The following ZNF362 variants were observed in gnomAD, a reference collection of about 807,000 sequenced individuals.
ZNF362 encodes the protein rotund homolog.
ZNF362 carries 11 observed loss-of-function variants against 42.9 expected under a neutral mutation model. The observed-to-expected ratio is 0.26, with a 90% CI of 0.16 to 0.42. The LOEUF is 0.42. Among genes scored for constraint, ZNF362 ranks in the 20% least tolerant of loss-of-function variants. ZNF362 has a pLI of 1.00. For missense variants in ZNF362, 362 were observed against 576.2 expected (o/e 0.63, Z 3.81); for synonymous variants, 255 against 257.3 (o/e 0.99, Z 0.09).
the ZNF362 span, among the ~76,000 whole-genome samples, chr1:33,133,079 G>A: frequency 6.6e-6 from 1 of 152,218 alleles, no homozygotes. Context: ...AGGCCCAGTG[G>A]GTCAGGAGAG....
intron 2 of ZNF362, among the ~76,000 whole-genome samples, chr1:33,273,831 A>G (rs886617796): frequency 2.6e-5 from 4 of 152,208 alleles, no homozygotes; most frequent in Non-Finnish European, 5.9e-5. Flanking sequence ...GTAAACTGTG[A>G]GCAGTGCTAG....
the ZNF362 span, among the ~76,000 whole-genome samples, chr1:33,222,849 T>C: frequency 0.17 from 26,181 of 152,100 alleles, 2,583 homozygotes; most frequent in East Asian, 0.31. Context: ...TGAATTCCCA[T>C]GTGTTGTGAG....
chr1:33,234,312 C>T, the ZNF362 span, among the ~76,000 whole-genome samples: 3 of 152,118 alleles, frequency 2.0e-5, no homozygotes, highest in African/African-American at 4.8e-5. Context: ...TTGTTATATT[C>T]GCATGGCACA....
the ZNF362 span, chr1:33,181,046 G>A: frequency 4.4e-6 from 7 of 1,593,792 alleles, no homozygotes; most frequent in Middle Eastern, 1.7e-4. This position sits in a 1 kb window ranked among gnomAD's most constrained non-coding sequence, Gnocchi z 6.5. Context: ...CGAAGGCGTC[G>A]TCGATGCCGG....
the ZNF362 span, among the ~76,000 whole-genome samples, chr1:33,206,142 T>A: frequency 2.0e-5 from 3 of 152,126 alleles, no homozygotes; most frequent in African/African-American, 7.2e-5. Flanking sequence ...TAACTTCAAA[T>A]GTATCATAGA....
chr1:33,205,039 G>A, the ZNF362 span, among the ~76,000 whole-genome samples: 1 of 152,126 alleles, frequency 6.6e-6, no homozygotes, highest in Admixed American at 6.5e-5. Context: ...GATATACCAT[G>A]TTCTTAGATT....
chr1:33,178,500 A>G, the ZNF362 span, among the ~76,000 whole-genome samples: 1 of 152,116 alleles, frequency 6.6e-6, no homozygotes, highest in Non-Finnish European at 1.5e-5. Context: ...CTGGGCATTC[A>G]CTCAGCTGGG....
In ZNF362 at chr1:33,276,355, A is replaced by C; in HGVS notation, c.110A>C (p.Asn37Thr). Reference sequence around the variant, plus strand: ...GTCCTCTTCTTCCCGCAGCTGGACAACCTGGTTCTGATTAACAAGATCAAG... The same window carrying C: ...GTCCTCTTCTTCCCGCAGCTGGACACCCTGGTTCTGATTAACAAGATCAAG... ...PPPTMPSQLD[N>T]LVLINKIKEQ... Residue 37 changes from asparagine (N) to threonine (T), a missense_variant, in exon 4 of 9, where the codon AAC (asparagine) becomes ACC (threonine). This residue lies in a region of ZNF362 where 266 missense variants were observed against 365.4 expected (regional missense o/e 0.73). Coordinates refer to ENST00000539719, the MANE Select transcript of ZNF362 (RefSeq NM_152493.3). 1.3e-6 allele frequency: 2 copies of C among 1,557,704 alleles called. No individual in the cohort carries two copies. Among genetic ancestry groups the C allele is most frequent in the Non-Finnish European group, 1.7e-6 (2 of 1,150,298 alleles).
the ZNF362 span, among the ~76,000 whole-genome samples, chr1:33,180,788 T>C: frequency 6.6e-6 from 1 of 151,576 alleles, no homozygotes; most frequent in African/African-American, 2.4e-5. Context: ...TCCAGGTCTG[T>C]CTCAGATCCC....
the ZNF362 span, among the ~76,000 whole-genome samples, chr1:33,138,002 G>A: frequency 3.3e-5 from 5 of 152,198 alleles, no homozygotes; most frequent in African/African-American, 4.8e-5. Context: ...TTACTGCACC[G>A]GTAGGTGGCG....
intron 6 of ZNF362, among the ~76,000 whole-genome samples, chr1:33,284,040 T>C (rs1646015004): frequency 6.6e-6 from 1 of 152,248 alleles, no homozygotes; most frequent in African/African-American, 2.4e-5. Flanking sequence ...GAAAAAATTT[T>C]ATATTATTAG....
the ZNF362 span, chr1:33,160,024 C>T: frequency 1.3e-6 from 2 of 1,548,984 alleles, no homozygotes; most frequent in Non-Finnish European, 1.7e-6. Flanking sequence ...AATCGAGAGC[C>T]TTGACACACA....
the ZNF362 span, among the ~76,000 whole-genome samples, chr1:33,246,984 A>T: frequency 1.3e-5 from 2 of 152,290 alleles, no homozygotes; most frequent in African/African-American, 4.8e-5. Context: ...GTGGAGAAAG[A>T]ATAAAGCTGA....
At chr1:33,130,701 A>G in the ZNF362 span, among the ~76,000 whole-genome samples, 1 of 152,214 alleles carries the variant, frequency 6.6e-6, no homozygotes, top group South Asian at 2.1e-4. Flanking sequence ...CGTGGTTTTA[A>G]GTTTTACCTA....
chr1:33,203,098 A>G, the ZNF362 span, among the ~76,000 whole-genome samples: 1 of 152,104 alleles, frequency 6.6e-6, no homozygotes, highest in Non-Finnish European at 1.5e-5. Flanking sequence ...TTCATCCTAC[A>G]TAGCTACAAC....
chr1:33,172,587 A>C, the ZNF362 span, among the ~76,000 whole-genome samples: 11 of 152,050 alleles, frequency 7.2e-5, no homozygotes, highest in African/African-American at 2.7e-4. Flanking sequence ...TGGGGAGGAC[A>C]CACCTCAGAG....
the ZNF362 span, among the ~76,000 whole-genome samples, chr1:33,202,423 T>C: frequency 1.3e-5 from 2 of 151,842 alleles, no homozygotes; most frequent in African/African-American, 4.8e-5. Context: ...GGTGAAACCC[T>C]GTCTCTACTA....
chr1:33,281,487 A>C lies in ZNF362; in HGVS notation c.684-100A>C. 1 of 1,156,796 alleles carries C rather than the reference A, an allele frequency of 8.6e-7. No individual in the cohort carries two copies. Among genetic ancestry groups the C allele is most frequent in the Non-Finnish European group, 1.3e-6 (1 of 791,772 alleles). The allele number at this position is 1,156,796 out of a possible 1,614,324, so 71.7% of individuals were successfully genotyped here. ...GTGCTTCTTGGGCTCATCACAGGAAAGACCTGTCCCAGGTGCAAGGTCTCT... is the reference window on the plus strand; with the variant it reads ...GTGCTTCTTGGGCTCATCACAGGAACGACCTGTCCCAGGTGCAAGGTCTCT... On this transcript the variant is annotated intron_variant, in intron 5 of 8. Coordinates refer to ENST00000539719, the MANE Select transcript of ZNF362 (RefSeq NM_152493.3). The surrounding 1 kb of genome is among the most constrained non-coding windows in gnomAD (Gnocchi z 4.8).
the ZNF362 span, among the ~76,000 whole-genome samples, chr1:33,168,862 G>T: frequency 6.6e-6 from 1 of 152,210 alleles, no homozygotes; most frequent in African/African-American, 2.4e-5. Flanking sequence ...GTCCACAGAA[G>T]ACCCAGCCAC....
Sources: allele counts gnomAD v4.1 joint callset (sites outside exome capture counted in the v4.1 genomes callset), GRCh38; gene constraint gnomAD v4.1.1; regional missense constraint gnomAD v4.1.1; non-coding constraint Gnocchi (gnomAD v3.1); transcripts MANE v1.5; gene names NCBI Gene and HGNC (gene_info 2026-07-23, HGNC 2026-07-21).